RNF8: variants seen among roughly 807,000 people sequenced by gnomAD.
The protein encoded by RNF8 is E3 ubiquitin-protein ligase RNF8.
In RNF8, 8 loss-of-function variants were observed where a neutral mutation model predicts 59.3. That is an observed-to-expected ratio of 0.13 (90% CI 0.08 to 0.24). RNF8 has a LOEUF of 0.24. RNF8 is among the 10% of genes least tolerant of loss of function. The pLI is 1.00. For missense variants in RNF8, 406 were observed against 572.6 expected, an observed-to-expected ratio of 0.71 and a Z score of 2.97; for synonymous variants, 162 against 200.0, an observed-to-expected ratio of 0.81 and a Z score of 1.60.
At chr6:37,377,091 A>C in intron 6 of RNF8, 58 bp downstream of exon 6, 1 of 494,892 alleles carries the variant, frequency 2.0e-6, no homozygotes, top group South Asian at 2.1e-5. Context: ...TTTTTTTTTG[A>C]GACAGAGTCT....
chr6:37,357,274 A>C (rs1371362106), intron 1 of RNF8, among the ~76,000 whole-genome samples: 1 of 152,156 alleles, frequency 6.6e-6, no homozygotes, highest in African/African-American at 2.4e-5. Flanking sequence ...ACCTCACTGC[A>C]CTCTTTAACT....
intron 2 of RNF8, among the ~76,000 whole-genome samples, chr6:37,365,718 G>C (rs1769525347): frequency 6.6e-6 from 1 of 152,186 alleles, no homozygotes; most frequent in Non-Finnish European, 1.5e-5. Context: ...ACATCAGGCA[G>C]ACTTTTCTGG....
At chr6:37,388,615 AAG>A (rs989450436) in intron 7 of RNF8, among the ~76,000 whole-genome samples, 3 of 152,094 alleles carry the variant, frequency 2.0e-5, no homozygotes, top group African/African-American at 7.2e-5. Context: ...TGAATGGCCA[AAG>A]AGAGAGATGG....
intron 7 of RNF8, among the ~76,000 whole-genome samples, chr6:37,381,720 C>T (rs1040380765): frequency 6.6e-6 from 1 of 152,072 alleles, no homozygotes; most frequent in Admixed American, 6.5e-5. Flanking sequence ...TTGAAAAAAC[C>T]TTGAGTTAAG....
chr6:37,382,459 CA>C (rs765511942), intron 7 of RNF8, among the ~76,000 whole-genome samples: 13 of 152,290 alleles, frequency 8.5e-5, no homozygotes, highest in Non-Finnish European at 1.2e-4. Context: ...CACATGATGT[CA>C]AGGCTTAGAA....
At chr6:37,354,315 T>G in intron 1 of RNF8, 40 bp downstream of exon 1, 9 of 1,450,940 alleles carry the variant, frequency 6.2e-6, no homozygotes, top group Non-Finnish European at 8.3e-6. Context: ...GGGCAGGGGC[T>G]GGAGGGAGCG....
chr6:37,361,518 A>G, intron 2 of RNF8: 1 of 357,996 alleles, frequency 2.8e-6, no homozygotes. Context: ...AAGTGCAGAT[A>G]TACAAGCACC....
In RNF8 at chr6:37,392,865, G is replaced by A. The variant is rs1770764366; in HGVS notation, c.*2107G>A. 2.8e-6 allele frequency: 1 copy of A among 355,586 alleles called. No individual in the cohort carries two copies. Among genetic ancestry groups the A allele is most frequent in the Admixed American group, 4.6e-5 (1 of 21,592 alleles). 22.0% of individuals were successfully genotyped at this position (355,586 alleles called of 1,614,324 possible). The stretch of plus-strand genomic sequence containing the variant: ...TTTTAATAGAGACTATGTTGCCTAG[G>A]CTGGTCTTGAAATTCTGGGCTAAAG... On this transcript the variant is annotated 3_prime_UTR_variant, in exon 8 of 8. Coordinates refer to ENST00000373479, the MANE Select transcript of RNF8 (RefSeq NM_003958.4).
In RNF8 at chr6:37,390,764, G is replaced by T. The variant is rs149383616; in HGVS notation, c.*6G>T. On this transcript the variant is annotated 3_prime_UTR_variant, in exon 8 of 8. Transcript: ENST00000373479. ...AAGCAAAGAGATTGTTCTGAAGACC[G>T]TGCTCTAAGGGCATTTGAAAGACTG... 9 of 1,613,704 alleles carry T rather than the reference G, an allele frequency of 5.6e-6. No individual in the cohort carries two copies. The African/African-American group carries it at 1.2e-4, about 22-fold the overall frequency.
At chr6:37,370,912 T>C (rs2113823148) in intron 3 of RNF8, among the ~76,000 whole-genome samples, 1 of 152,260 alleles carries the variant, frequency 6.6e-6, no homozygotes, top group East Asian at 1.9e-4. Context: ...GGGTAGGTAA[T>C]TCTTAAGGAC....
In RNF8 at chr6:37,354,076, G is replaced by T. The variant is rs13192693; in HGVS notation, c.-89G>T. The T allele has an allele frequency of 9.5e-4, 1,009 of 1,064,016 alleles. 8 individuals are homozygous for T. The African/African-American group carries it at 0.014, about 15-fold the overall frequency. The allele number at this position is 1,064,016 out of a possible 1,614,324, so 65.9% of individuals were successfully genotyped here. On this transcript the variant is annotated 5_prime_UTR_variant, in exon 1 of 8. Transcript: ENST00000373479. The stretch of plus-strand genomic sequence containing the variant: ...GGCGATTGCTTCTGTCTGTTATTTA[G>T]ATATGGAAGCTGAGGGGATGCACAG...
At chr6:37,376,896 G>C (rs1397136727) in intron 5 of RNF8, 30 bp from the exon 6 acceptor site, 4 of 1,532,850 alleles carry the variant, frequency 2.6e-6, no homozygotes, top group Admixed American at 3.4e-5. Flanking sequence ...TTGGTTCTCT[G>C]AATGACAGGT....
intron 1 of RNF8, among the ~76,000 whole-genome samples, chr6:37,359,941 C>T (rs914944179): frequency 1.2e-4 from 19 of 152,170 alleles, no homozygotes; most frequent in African/African-American, 4.6e-4. Flanking sequence ...GAATACAGAA[C>T]CAGGAAAAGA....
Position 37,377,008 on chromosome 6 carries a change from T to C in RNF8, c.1211T>C (p.Ile404Thr), listed in dbSNP as rs143116946. 9.9e-6 allele frequency: 16 copies of C among 1,608,232 alleles called. No homozygotes were observed. Among genetic ancestry groups the C allele is most frequent in the East Asian group, 2.2e-5 (1 of 44,858 alleles). Residue 404 changes from isoleucine to threonine, a missense_variant, in exon 6 of 8, where the codon ATT (isoleucine) becomes ACT (threonine). This residue lies in a region of RNF8 where 59 missense variants were observed against 118.5 expected (regional missense o/e 0.50). Transcript: ENST00000373479. The part of the protein sequence containing the change: ...NDVLENELQC[I>T]ICSEYFIEAV... ...GTGCTAGAGAATGAGCTCCAATGTA[T>C]TATTTGTTCAGAATACTTCATTGAG...
chr6:37,354,474 G>T (rs979680238), intron 1 of RNF8, among the ~76,000 whole-genome samples, 199 bp downstream of exon 1: 1 of 151,880 alleles, frequency 6.6e-6, no homozygotes, highest in African/African-American at 2.4e-5. Flanking sequence ...GCGGCTGAAG[G>T]GTCTGCGGTG....
Position 37,360,306 on chromosome 6 carries a change from T to C in RNF8, c.112-140T>C. On this transcript the variant is annotated intron_variant, in intron 1 of 7. Coordinates refer to ENST00000373479, the MANE Select transcript of RNF8 (RefSeq NM_003958.4). The surrounding 1 kb of genome is among the most constrained non-coding windows in gnomAD (Gnocchi z 4.2). ...TCAAGACAGCTGAAGAGGAGATAGCTGATGCACTGTTTTGGTTCCACAGGT... is the reference window on the plus strand; with the variant it reads ...TCAAGACAGCTGAAGAGGAGATAGCCGATGCACTGTTTTGGTTCCACAGGT... 2.4e-6 allele frequency: 2 copies of C among 850,818 alleles called. No homozygotes were observed. The highest frequency in any genetic ancestry group is 1.9e-6 in the Non-Finnish European group (1 of 524,250). 52.7% of individuals were successfully genotyped at this position (850,818 alleles called of 1,614,324 possible).
intron 5 of RNF8, among the ~76,000 whole-genome samples, chr6:37,376,039 C>A (rs577073579): frequency 4.4e-4 from 67 of 152,148 alleles, no homozygotes; most frequent in Non-Finnish European, 8.8e-4. Flanking sequence ...AGGCCTGTCT[C>A]CAGCCTTCTG....
chr6:37,390,511 G>T (rs937576590), intron 7 of RNF8, among the ~76,000 whole-genome samples: 1 of 152,144 alleles, frequency 6.6e-6, no homozygotes, highest in Non-Finnish European at 1.5e-5. Context: ...TGAGCAAGAC[G>T]CAGATTTTGT....
At chr6:37,384,389 C>T (rs1003598348) in intron 7 of RNF8, among the ~76,000 whole-genome samples, 3 of 152,060 alleles carry the variant, frequency 2.0e-5, no homozygotes, top group South Asian at 2.1e-4. Context: ...TGATGTACCC[C>T]GCTCCGCCCC....
Sources: gnomAD v4.1 joint callset for allele counts (sites outside exome capture counted in the v4.1 genomes callset) on GRCh38, gnomAD v4.1.1 for gene constraint, gnomAD v4.1.1 regional missense constraint, Gnocchi (gnomAD v3.1) non-coding constraint, MANE v1.5 for transcripts, NCBI Gene and HGNC (gene_info 2026-07-23, HGNC 2026-07-21) for gene names.